CEMIP: variants seen among roughly 807,000 people sequenced by gnomAD.
CEMIP encodes the protein cell migration-inducing and hyaluronan-binding protein.
In CEMIP, 105 loss-of-function variants were observed where a neutral mutation model predicts 156.9. That is an observed-to-expected ratio of 0.67 (90% CI 0.57 to 0.79). The LOEUF (loss-of-function observed/expected upper bound fraction) is 0.79, where lower values mean the gene tolerates loss of function less well. Among genes scored for constraint, CEMIP ranks in the 30% least tolerant of loss-of-function variants. CEMIP has a pLI of 0.00. For missense variants in CEMIP, 1,457 were observed against 1,769.4 expected, an observed-to-expected ratio of 0.82 and a Z score of 3.17; for synonymous variants, 676 against 668.4, an observed-to-expected ratio of 1.01 and a Z score of -0.17.
At chr15:80,945,987 C>T (rs1901537086) in intron 28 of CEMIP, among the ~76,000 whole-genome samples, 1 of 152,246 alleles carries the variant, frequency 6.6e-6, no homozygotes, top group South Asian at 2.1e-4. Context: ...GTCTTTCAAG[C>T]ACATTTCCCT....
chr15:80,803,743 G>C (rs1383029151), intron 1 of CEMIP, among the ~76,000 whole-genome samples: 1 of 152,210 alleles, frequency 6.6e-6, no homozygotes, highest in Admixed American at 6.5e-5. Context: ...GAGATCTGCT[G>C]TCTGAGCTCA....
intron 12 of CEMIP, among the ~76,000 whole-genome samples, chr15:80,899,608 G>A (rs529312256): frequency 3.3e-5 from 5 of 152,248 alleles, no homozygotes; most frequent in African/African-American, 4.8e-5. Flanking sequence ...CCAAGAGGCC[G>A]GAGTAGCTGA....
rs1290562975 is a variant in CEMIP at position 80,949,064 on chromosome 15, G to A, written c.*140G>A. On this transcript the variant is annotated 3_prime_UTR_variant, in exon 30 of 30. Coordinates refer to ENST00000394685, the MANE Select transcript of CEMIP (RefSeq NM_001293298.2). ...CGTGTTTCAGCCCTGATGGGCCAAG[G>A]GAAGGCTATCAGAGACCCTGGTGCT... is the stretch of plus-strand genomic sequence containing the variant. The A allele has an allele frequency of 2.6e-6, 3 of 1,164,522 alleles. No individual in the cohort carries two copies. The highest frequency in any genetic ancestry group is 3.8e-6 in the Non-Finnish European group (3 of 787,066). The allele number at this position is 1,164,522 out of a possible 1,614,324, so 72.1% of individuals were successfully genotyped here.
intron 1 of CEMIP, among the ~76,000 whole-genome samples, chr15:80,802,585 G>A (rs1413702475): frequency 3.9e-5 from 6 of 152,218 alleles, no homozygotes; most frequent in Non-Finnish European, 4.4e-5. Context: ...GTGGGCTGGC[G>A]AGAGCAGTGA....
intron 14 of CEMIP, chr15:80,909,575 T>C (rs780742387): frequency 5.9e-5 from 32 of 542,546 alleles, no homozygotes; most frequent in Admixed American, 2.2e-4. Flanking sequence ...CTGTACTTCA[T>C]TGGCATCACA....
intron 1 of CEMIP, among the ~76,000 whole-genome samples, chr15:80,861,397 A>G (rs917105943): frequency 2.0e-5 from 3 of 152,214 alleles, no homozygotes; most frequent in African/African-American, 7.2e-5. Context: ...TGCTTCATGA[A>G]TGAACCCTGC....
At chr15:80,863,526 T>C (rs1365819670) in intron 1 of CEMIP, among the ~76,000 whole-genome samples, 2 of 152,194 alleles carry the variant, frequency 1.3e-5, no homozygotes, top group East Asian at 3.8e-4. Context: ...TTGATGACTA[T>C]GATGTGGATG....
At position 80,921,172 on chromosome 15, in the gene CEMIP, T is replaced by C. The variant is rs1049492957; in HGVS notation, c.2073+71T>C. 22 of 1,366,206 alleles carry C rather than the reference T, an allele frequency of 1.6e-5. No individual in the cohort carries two copies. In the Middle Eastern group the frequency reaches 1.1e-3, roughly 67 times the overall value. The allele number at this position is 1,366,206 out of a possible 1,614,324, so 84.6% of individuals were successfully genotyped here. On this transcript the variant is annotated intron_variant, in intron 16 of 29. Coordinates refer to ENST00000394685, the MANE Select transcript of CEMIP (RefSeq NM_001293298.2). ...TGGAGTCAGGGAGACAGCCGAGGCT[T>C]ACCTTGAAACATGTGTGCTCTGAGC...
intron 1 of CEMIP, among the ~76,000 whole-genome samples, chr15:80,868,580 C>G (rs371371035): frequency 6.6e-6 from 1 of 152,156 alleles, no homozygotes; most frequent in African/African-American, 2.4e-5. Flanking sequence ...TTCCTATCAG[C>G]GCCTACATTC....
rs1312802369 is a variant in CEMIP at position 80,895,854 on chromosome 15, T to G, written c.1220-15T>G. 6.2e-7 allele frequency: 1 copy of G among 1,614,004 alleles called. No individual in the cohort carries two copies. Among genetic ancestry groups the G allele is most frequent in the East Asian group, 2.2e-5 (1 of 44,882 alleles). On this transcript the variant is annotated splice_polypyrimidine_tract_variant and intron_variant, in intron 11 of 29. Transcript: ENST00000394685. ...CAAAGGGCTCTATCTCAGTCTTTCC[T>G]GTTTTGGGTTACAGTGAGGCCCAAA... is the stretch of plus-strand genomic sequence containing the variant.
chr15:80,927,298 T>C (rs1900733296), intron 19 of CEMIP, among the ~76,000 whole-genome samples: 1 of 152,168 alleles, frequency 6.6e-6, no homozygotes, highest in African/African-American at 2.4e-5. Flanking sequence ...AGGTTTCAGC[T>C]CTGGAGAAGG....
chr15:80,888,634 C>A, intron 8 of CEMIP, 67 bp from the exon 9 acceptor site: 1 of 1,381,352 alleles, frequency 7.2e-7, no homozygotes. Flanking sequence ...GTTTCCTTGC[C>A]TTGGAGTCAC....
Position 80,933,231 on chromosome 15 carries a change from T to G in CEMIP, c.2794-14T>G. On this transcript the variant is annotated splice_polypyrimidine_tract_variant and intron_variant, in intron 22 of 29. Transcript: ENST00000394685. ...ACCTTCTAGCCCTGCCTAACTTTCC[T>G]GGGCTCTGTTTAGATTACTTCCAGA... 1 of 1,611,720 alleles carries G rather than the reference T, an allele frequency of 6.2e-7. No individual in the cohort carries two copies. The highest frequency in any genetic ancestry group is 8.5e-7 in the Non-Finnish European group (1 of 1,177,802).
chr15:80,854,098 G>T (rs1319461357), intron 1 of CEMIP, among the ~76,000 whole-genome samples: 1 of 152,260 alleles, frequency 6.6e-6, no homozygotes, highest in African/African-American at 2.4e-5. Context: ...GGCCCTCAGT[G>T]AGCCAGCGAG....
chr15:80,931,579 A>T (rs1248406252), intron 21 of CEMIP, among the ~76,000 whole-genome samples: 1 of 152,218 alleles, frequency 6.6e-6, no homozygotes, highest in South Asian at 2.1e-4. Context: ...CAACTCATCC[A>T]TCCATTCATC....
intron 12 of CEMIP, among the ~76,000 whole-genome samples, chr15:80,900,198 C>T (rs933514563): frequency 1.3e-5 from 2 of 152,184 alleles, no homozygotes; most frequent in Non-Finnish European, 2.9e-5. Flanking sequence ...ACCTTGTGTG[C>T]GTCAGAGCAT....
At chr15:80,865,311 A>T (rs1209458503) in intron 1 of CEMIP, among the ~76,000 whole-genome samples, 1 of 152,000 alleles carries the variant, frequency 6.6e-6, no homozygotes, top group Non-Finnish European at 1.5e-5. Flanking sequence ...CCTCCTGGGT[A>T]GCTGGGTCTA....
At chr15:80,789,636 C>T (rs549444842) in intron 1 of CEMIP, among the ~76,000 whole-genome samples, 1 of 152,160 alleles carries the variant, frequency 6.6e-6, no homozygotes, top group East Asian at 1.9e-4. Flanking sequence ...TTTGAAGAGG[C>T]TTGGAGATTC....
chr15:80,902,151 G>A (rs1233057922), intron 12 of CEMIP, among the ~76,000 whole-genome samples: 4 of 152,148 alleles, frequency 2.6e-5, no homozygotes, highest in Non-Finnish European at 4.4e-5. Flanking sequence ...TTGACCCTGG[G>A]GTACCTAGCA....
Sources: gnomAD v4.1 joint callset for allele counts (sites outside exome capture counted in the v4.1 genomes callset) on GRCh38, gnomAD v4.1.1 for gene constraint, MANE v1.5 for transcripts, NCBI Gene and HGNC (gene_info 2026-07-23, HGNC 2026-07-21) for gene names.